The following CDH12 variants were observed in gnomAD, a reference collection of about 807,000 sequenced individuals.
CDH12 encodes cadherin 12.
In CDH12, 41 loss-of-function variants were observed where a neutral mutation model predicts 74.1. The observed-to-expected ratio is 0.55, with a 90% CI of 0.43 to 0.72. CDH12 has a LOEUF of 0.72. Ranked by LOEUF, CDH12 falls within the 30% of genes least tolerant of loss-of-function variation. The probability of loss-of-function intolerance (pLI) is 0.00; values close to 1 mark genes in which losing one functional copy is unlikely to be tolerated. For missense variants in CDH12, 945 were observed against 977.2 expected (o/e 0.97, Z 0.44); for synonymous variants, 399 against 355.0 (o/e 1.12, Z -1.39).
chr5:22,426,524 C>G (rs1339067488), intron 2 of CDH12, among the ~76,000 whole-genome samples: 3 of 151,814 alleles, frequency 2.0e-5, no homozygotes, highest in African/African-American at 7.3e-5. Flanking sequence ...GGCAAGAACC[C>G]CCCGAATATT....
chr5:22,785,849 A>G (rs1374206350), intron 1 of CDH12, among the ~76,000 whole-genome samples: 2 of 152,122 alleles, frequency 1.3e-5, no homozygotes, highest in South Asian at 4.1e-4. Context: ...TTCTTGAGGA[A>G]CCCTTACACA....
Position 22,592,487 on chromosome 5 carries a change from G to A in CDH12, c.-522-87123C>T, listed in dbSNP as rs554752336. ...AGTTTACTTATCTCTTGTGCTTTTA[G>A]TTTTTCTAAATTATGTCTCCTCTTC... On this transcript the variant is annotated intron_variant, in intron 1 of 14. Coordinates refer to ENST00000382254, the MANE Select transcript of CDH12 (RefSeq NM_004061.5). 1.3e-3 allele frequency among the ~76,000 whole-genome samples: 200 copies of A among 152,040 alleles called. 2 individuals are homozygous for A. Among genetic ancestry groups the A allele is most frequent in the African/African-American group, 4.5e-3 (186 of 41,488 alleles).
intron 1 of CDH12, among the ~76,000 whole-genome samples, chr5:22,779,622 C>T (rs1479605854): frequency 1.3e-5 from 2 of 152,130 alleles, no homozygotes; most frequent in Admixed American, 6.6e-5. Context: ...GAGGCAGTTT[C>T]CCCATGCCGG....
chr5:22,282,206 C>T (rs1466084143), intron 3 of CDH12, among the ~76,000 whole-genome samples: 2 of 152,102 alleles, frequency 1.3e-5, no homozygotes, highest in Non-Finnish European at 2.9e-5. Flanking sequence ...AAAAATGAAA[C>T]TGGACCCCTT....
chr5:22,802,994 C>T (rs1409349845), intron 1 of CDH12, among the ~76,000 whole-genome samples: 1 of 152,158 alleles, frequency 6.6e-6, no homozygotes, highest in Non-Finnish European at 1.5e-5. Context: ...TTAAAGCCCA[C>T]TTAACCAAGC....
chr5:22,578,387 G>T (rs1166069632), intron 1 of CDH12, among the ~76,000 whole-genome samples: 2 of 23,136 alleles, frequency 8.6e-5, no homozygotes, highest in East Asian at 2.5e-3. Context: ...TTGTGTGTGT[G>T]GGGGGGGGGT....
At chr5:22,171,272 G>T (rs1335800045) in intron 4 of CDH12, among the ~76,000 whole-genome samples, 3 of 151,710 alleles carry the variant, frequency 2.0e-5, no homozygotes, top group South Asian at 2.1e-4. Context: ...TACCACACAG[G>T]AATCTCTAAT....
chr5:22,192,194 A>G (rs1750348161), intron 4 of CDH12, among the ~76,000 whole-genome samples: 1 of 152,128 alleles, frequency 6.6e-6, no homozygotes, highest in African/African-American at 2.4e-5. Flanking sequence ...TCGGCTTCCC[A>G]AAGTGCTAGG....
intron 6 of CDH12, among the ~76,000 whole-genome samples, chr5:21,885,501 G>A (rs1335745381): frequency 1.3e-5 from 2 of 152,106 alleles, no homozygotes; most frequent in Non-Finnish European, 2.9e-5. Flanking sequence ...AAGGATTCAT[G>A]CAAGCTCACC....
chr5:22,841,535 A>T (rs929630715), intron 1 of CDH12, among the ~76,000 whole-genome samples: 1 of 152,128 alleles, frequency 6.6e-6, no homozygotes, highest in Admixed American at 6.6e-5. Context: ...TATATTTGGG[A>T]GTTTTCAGCA....
intron 1 of CDH12, among the ~76,000 whole-genome samples, chr5:22,545,412 A>C (rs1738272957): frequency 6.6e-6 from 1 of 152,188 alleles, no homozygotes; most frequent in Admixed American, 6.5e-5. Context: ...GTGTGACAAA[A>C]TTTAATATAG....
chr5:22,077,190 C>A (rs1742391157), intron 5 of CDH12, among the ~76,000 whole-genome samples: 1 of 151,972 alleles, frequency 6.6e-6, no homozygotes, highest in Non-Finnish European at 1.5e-5. Context: ...CTGCAAAAAT[C>A]ATTTGCCTGG....
Position 22,607,818 on chromosome 5 carries a change from G to A in CDH12, c.-522-102454C>T, listed in dbSNP as rs530623378. Among the ~76,000 whole-genome samples, 13 of 152,346 alleles carry A rather than the reference G, an allele frequency of 8.5e-5. No individual in the cohort carries two copies. The East Asian group carries it at 2.3e-3, about 27-fold the overall frequency. On this transcript the variant is annotated intron_variant, in intron 1 of 14. Coordinates refer to ENST00000382254, the MANE Select transcript of CDH12 (RefSeq NM_004061.5). ...GTACAGCTCAGGCCATTGCTTCAGA[G>A]GGTGCAAGCCCCAAGCCTTGGCAGC...
At chr5:21,966,876 G>A (rs1756609638) in intron 6 of CDH12, among the ~76,000 whole-genome samples, 1 of 152,064 alleles carries the variant, frequency 6.6e-6, no homozygotes, top group Non-Finnish European at 1.5e-5. Context: ...CACTCTTTTT[G>A]AATCGCATGC....
intron 2 of CDH12, among the ~76,000 whole-genome samples, chr5:22,417,859 T>G (rs1743465949): frequency 6.6e-6 from 1 of 152,020 alleles, no homozygotes; most frequent in Non-Finnish European, 1.5e-5. Context: ...TCACGGACTC[T>G]TAAAATCCAT....
intron 3 of CDH12, among the ~76,000 whole-genome samples, chr5:22,283,409 T>C (rs974413942): frequency 6.6e-6 from 1 of 151,478 alleles, no homozygotes; most frequent in South Asian, 2.1e-4. Flanking sequence ...TATATACATA[T>C]GTGCCACACA....
chr5:22,362,408 G>A (rs7447295), intron 3 of CDH12, among the ~76,000 whole-genome samples: 43,543 of 151,864 alleles, frequency 0.29, 6,270 homozygotes, highest in East Asian at 0.34. Flanking sequence ...TTAGAATGGC[G>A]ATCATTAAAA....
chr5:22,689,181 G>C (rs1399205175), intron 1 of CDH12, among the ~76,000 whole-genome samples: 1 of 152,130 alleles, frequency 6.6e-6, no homozygotes, highest in Non-Finnish European at 1.5e-5. Flanking sequence ...CTTGGAAACT[G>C]TCCTGGTTTC....
chr5:22,669,130 C>T (rs1479392229), intron 1 of CDH12, among the ~76,000 whole-genome samples: 1 of 152,008 alleles, frequency 6.6e-6, no homozygotes, highest in African/African-American at 2.4e-5. Flanking sequence ...CATCAAAAAT[C>T]CATTCTCAAA....
Sources: gnomAD v4.1 joint callset for allele counts (sites outside exome capture counted in the v4.1 genomes callset) on GRCh38, gnomAD v4.1.1 for gene constraint, MANE v1.5 for transcripts, NCBI Gene and HGNC (gene_info 2026-07-23, HGNC 2026-07-21) for gene names.